Variants in EPHA4 observed in about 807,000 individuals in gnomAD.
The protein encoded by EPHA4 is ephrin type-A receptor 4.
A neutral mutation model predicts 108.3 loss-of-function variants in EPHA4; 19 were observed. The observed-to-expected ratio is 0.18, with a 90% CI of 0.12 to 0.26. EPHA4 has a LOEUF of 0.26. Ranked by LOEUF, EPHA4 falls within the 10% of genes least tolerant of loss-of-function variation. The pLI is 1.00. For missense variants in EPHA4, 917 were observed against 1,254.0 expected (o/e 0.73, Z 4.06); for synonymous variants, 449 against 455.5 (o/e 0.99, Z 0.18).
chr2:221,551,788 G>A (rs551556321), intron 3 of EPHA4, among the ~76,000 whole-genome samples: 12 of 152,064 alleles, frequency 7.9e-5, no homozygotes, highest in South Asian at 2.1e-4. Flanking sequence ...TTTTAAAGAC[G>A]CTTTTCATTC....
Position 221,486,311 on chromosome 2 carries a change from T to C in EPHA4, c.980-3621A>G, listed in dbSNP as rs187300398. 1.3e-3 allele frequency among the ~76,000 whole-genome samples: 195 copies of C among 152,302 alleles called. 1 individual carries two copies. The Middle Eastern group carries it at 0.031, about 24-fold the overall frequency. ...CTGGCATAACACCAGTCCTTATGCTTATGTCATTGTTTGACATTTCAGTTC... is the reference window on the plus strand; with the variant it reads ...CTGGCATAACACCAGTCCTTATGCTCATGTCATTGTTTGACATTTCAGTTC... On this transcript the variant is annotated intron_variant, in intron 4 of 17. Transcript: ENST00000281821.
intron 3 of EPHA4, among the ~76,000 whole-genome samples, chr2:221,536,024 C>T (rs1205828276): frequency 6.6e-6 from 1 of 152,210 alleles, no homozygotes; most frequent in African/African-American, 2.4e-5. Context: ...GATATTCATT[C>T]CTCTTTTACC....
rs75456124 is a variant in EPHA4, at chr2:221,529,763, C to T, written c.824-28591G>A. Among the ~76,000 whole-genome samples, 405 of 152,272 alleles carry T rather than the reference C, an allele frequency of 2.7e-3. 1 individual carries two copies. Among genetic ancestry groups the T allele is most frequent in the African/African-American group, 8.4e-3 (351 of 41,552 alleles). On this transcript the variant is annotated intron_variant, in intron 3 of 17. Transcript: ENST00000281821. ...CAATGGAGTATGAAGCACCAGTCTC[C>T]AACACCGAGGGTTTCTAGGTGTGAC...
intron 6 of EPHA4, 84 bp from the exon 7 acceptor site, chr2:221,456,856 G>T: frequency 1.4e-6 from 2 of 1,472,742 alleles, no homozygotes; most frequent in East Asian, 2.3e-5. Context: ...AAGGAGTCAA[G>T]CCAGTCAACT....
chr2:221,570,467 C>A (rs1470441133), intron 1 of EPHA4, among the ~76,000 whole-genome samples: 1 of 152,154 alleles, frequency 6.6e-6, no homozygotes, highest in African/African-American at 2.4e-5. Context: ...GAATGAATAA[C>A]CCTAGGGACC....
rs1424012166 is a variant in EPHA4, at chr2:221,499,741, TATATATATATATA to T, written c.979+1263_979+1275del. The stretch of plus-strand genomic sequence containing the variant: ...ATATATATATATATATATATATATA[TATATATATATATA>T]TATTTTTTTTTTTTTTTTTTGAGAC... On this transcript the variant is annotated intron_variant, in intron 4 of 17. Coordinates refer to ENST00000281821, the MANE Select transcript of EPHA4 (RefSeq NM_004438.5). Among the ~76,000 whole-genome samples the T allele has an allele frequency of 1.1e-3, 64 of 57,412 alleles. 1 individual carries two copies. The East Asian group carries it at 0.02, about 18-fold the overall frequency. 37.7% of individuals were successfully genotyped at this position (57,412 alleles called of 152,430 possible). A position where few individuals can be genotyped will look rare whatever the true frequency, so the allele number is the denominator to read the frequency against.
chr2:221,421,064 G>A (rs1422086325), intron 17 of EPHA4, among the ~76,000 whole-genome samples: 2 of 152,154 alleles, frequency 1.3e-5, no homozygotes, highest in African/African-American at 4.8e-5. Context: ...TTTGGGAGCC[G>A]AGGTGGGCGG....
At chr2:221,533,242 C>G (rs1693572189) in intron 3 of EPHA4, among the ~76,000 whole-genome samples, 1 of 152,100 alleles carries the variant, frequency 6.6e-6, no homozygotes, top group African/African-American at 2.4e-5. Context: ...CCCCATAGCT[C>G]CAAAAACTTT....
Position 221,455,577 on chromosome 2 carries a change from A to G in EPHA4, c.1685T>C (p.Ile562Thr). 1 of 1,613,950 alleles carries G rather than the reference A, an allele frequency of 6.2e-7. No individual in the cohort carries two copies. Among genetic ancestry groups the G allele is most frequent in the Non-Finnish European group, 8.5e-7 (1 of 1,179,906 alleles). Residue 562 changes from isoleucine to threonine, a missense_variant, in exon 8 of 18, where the codon ATT (isoleucine) becomes ACT (threonine). Coordinates refer to ENST00000281821, the MANE Select transcript of EPHA4 (RefSeq NM_004438.5). ...SVSGSVVLVV[I>T]LIAAFVISRR... ...GCTGATGACAAAAGCTGCAATGAGA[A>G]TTACCACCAGCACCACACTGCCCGA...
intron 8 of EPHA4, among the ~76,000 whole-genome samples, chr2:221,449,708 GAGAC>G (rs1047687445): frequency 6.6e-6 from 1 of 152,194 alleles, no homozygotes; most frequent in Non-Finnish European, 1.5e-5. Context: ...AAACAAAATA[GAGAC>G]GGGGAGCAAG....
At chr2:221,467,324 C>G (rs1226124548) in intron 5 of EPHA4, among the ~76,000 whole-genome samples, 1 of 152,070 alleles carries the variant, frequency 6.6e-6, no homozygotes, top group African/African-American at 2.4e-5. Flanking sequence ...GCCCACTTTT[C>G]CATACGTGTA....
Position 221,425,652 on chromosome 2 carries a change from C to G in EPHA4, c.*376G>C, listed in dbSNP as rs1162198368. 1 of 176,306 alleles carries G rather than the reference C, an allele frequency of 5.7e-6. No homozygotes were observed. The highest frequency in any genetic ancestry group is 1.2e-5 in the Non-Finnish European group (1 of 83,442). 10.9% of individuals were successfully genotyped at this position (176,306 alleles called of 1,614,324 possible). A position where few individuals can be genotyped will look rare whatever the true frequency, so the allele number is the denominator to read the frequency against. On this transcript the variant is annotated 3_prime_UTR_variant, in exon 17 of 18. Transcript: ENST00000281821. ...TGTAATTTATGCCACAAACAAAATA[C>G]AATGGTTGTAATTCCAAATGGAGAG... is the stretch of plus-strand genomic sequence containing the variant.
rs116148131 is a variant in EPHA4, at chr2:221,463,452, C to A, written c.1319-5462G>T. Among the ~76,000 whole-genome samples, 457 of 152,186 alleles carry A rather than the reference C, an allele frequency of 3.0e-3. 3 individuals are homozygous for A. Among genetic ancestry groups the A allele is most frequent in the African/African-American group, 0.011 (445 of 41,508 alleles). On this transcript the variant is annotated intron_variant, in intron 5 of 17. Coordinates refer to ENST00000281821, the MANE Select transcript of EPHA4 (RefSeq NM_004438.5). Reference sequence around the variant, plus strand: ...GGTTACATTTGGTTTGAGAGCAGACCACAATGCACTGAGAAGGTACATGTG... The same window carrying A: ...GGTTACATTTGGTTTGAGAGCAGACAACAATGCACTGAGAAGGTACATGTG...
At chr2:221,532,891 A>C (rs1388713445) in intron 3 of EPHA4, 1 of 152,286 alleles carries the variant, frequency 6.6e-6, no homozygotes, top group Admixed American at 6.5e-5. Flanking sequence ...TTGCCTCTGA[A>C]ACCACCTTAT....
chr2:221,563,653 T>C, intron 3 of EPHA4, 78 bp downstream of exon 3: 1 of 1,515,098 alleles, frequency 6.6e-7, no homozygotes, highest in African/African-American at 1.4e-5. Context: ...TTACTGGCTT[T>C]ACTCCATTTA....
At chr2:221,510,007 G>T (rs568216473) in intron 3 of EPHA4, among the ~76,000 whole-genome samples, 1 of 152,180 alleles carries the variant, frequency 6.6e-6, no homozygotes, top group Non-Finnish European at 1.5e-5. Flanking sequence ...TACACAGGAG[G>T]ATAAAAGACA....
chr2:221,544,637 A>G (rs1256369609), intron 3 of EPHA4, among the ~76,000 whole-genome samples: 1 of 152,108 alleles, frequency 6.6e-6, no homozygotes, highest in African/African-American at 2.4e-5. Context: ...CTTGTTCACA[A>G]CCTTTTATGA....
At chr2:221,431,037 T>C (rs1690060599) in intron 14 of EPHA4, among the ~76,000 whole-genome samples, 1 of 152,182 alleles carries the variant, frequency 6.6e-6, no homozygotes, top group Non-Finnish European at 1.5e-5. Context: ...TATTTTCTTA[T>C]AGCCTTTTCT....
intron 3 of EPHA4, among the ~76,000 whole-genome samples, chr2:221,529,103 T>C (rs745336499): frequency 1.3e-5 from 2 of 152,214 alleles, no homozygotes; most frequent in Non-Finnish European, 2.9e-5. Context: ...GTAAGAGGAT[T>C]GTGCATGGTT....
Sources: gnomAD v4.1 joint callset for allele counts (sites outside exome capture counted in the v4.1 genomes callset) on GRCh38, gnomAD v4.1.1 for gene constraint, MANE v1.5 for transcripts, NCBI Gene and HGNC (gene_info 2026-07-23, HGNC 2026-07-21) for gene names.